Variants in LHFPL3 observed in about 807,000 individuals in gnomAD.
The protein encoded by LHFPL3 is LHFPL tetraspan subfamily member 3 protein.
Under a neutral mutation model 19.3 loss-of-function variants are expected in LHFPL3, and 5 were observed. The observed-to-expected ratio is 0.26, with a 90% confidence interval of 0.14 to 0.54. The LOEUF (loss-of-function observed/expected upper bound fraction) is 0.54, where lower values mean the gene tolerates loss of function less well. LHFPL3 is among the 20% of genes least tolerant of loss of function. The pLI, the probability that LHFPL3 is intolerant of heterozygous loss-of-function variation, is 0.94. For missense variants in LHFPL3, 249 were observed against 307.4 expected (o/e 0.81, Z 1.42); for synonymous variants, 133 against 126.2 (o/e 1.05, Z -0.36).
At chr7:104,465,790 C>T (rs1222765734) in intron 1 of LHFPL3, among the ~76,000 whole-genome samples, 1 of 152,202 alleles carries the variant, frequency 6.6e-6, no homozygotes, top group African/African-American at 2.4e-5. Context: ...TGGGTGGGGA[C>T]ACAGCCAGAC....
In LHFPL3 at chr7:104,880,947, A is replaced by G. The variant is rs569653228; in HGVS notation, c.683-25240A>G. Among the ~76,000 whole-genome samples, 33 of 152,198 alleles carry G rather than the reference A, an allele frequency of 2.2e-4. No individual in the cohort carries two copies. In the South Asian group the frequency reaches 4.1e-3, roughly 19 times the overall value. On this transcript the variant is annotated intron_variant, in intron 2 of 2. Transcript: ENST00000424859. Reference sequence around the variant, plus strand: ...GCACTTTGGGAGGCCAAGGCGGGTGAATCACGAGGTCAGGAGATCAAGACC... The same window carrying G: ...GCACTTTGGGAGGCCAAGGCGGGTGGATCACGAGGTCAGGAGATCAAGACC...
rs191753755 is a variant in LHFPL3 at position 104,525,652 on chromosome 7, G to A, written c.445+196428G>A. 6.8e-4 allele frequency among the ~76,000 whole-genome samples: 103 copies of A among 150,784 alleles called. 1 individual carries two copies. Among genetic ancestry groups the A allele is most frequent in the African/African-American group, 2.4e-3 (98 of 40,832 alleles). ...GATGGAGTCTCACTCTGTTGCCCAGGCTGGAGTGCAGTGGTGTGATCTTGG... is the reference window on the plus strand; with the variant it reads ...GATGGAGTCTCACTCTGTTGCCCAGACTGGAGTGCAGTGGTGTGATCTTGG... On this transcript the variant is annotated intron_variant, in intron 1 of 2. Coordinates refer to ENST00000424859, the MANE Select transcript of LHFPL3 (RefSeq NM_199000.3).
In LHFPL3 at chr7:104,347,624, A is replaced by T. The variant is rs535885335; in HGVS notation, c.445+18400A>T. On this transcript the variant is annotated intron_variant, in intron 1 of 2. Coordinates refer to ENST00000424859, the MANE Select transcript of LHFPL3 (RefSeq NM_199000.3). ...AGTTTGCCTTCTTTTCTAGCTGGGT[A>T]CAATTGCTCATGCCTGTAATCCCTT... Among the ~76,000 whole-genome samples, 26 of 152,270 alleles carry T rather than the reference A, an allele frequency of 1.7e-4. No individual in the cohort carries two copies. The South Asian group carries it at 3.9e-3, about 23-fold the overall frequency.
intron 1 of LHFPL3, among the ~76,000 whole-genome samples, chr7:104,345,905 AT>A (rs1790055791): frequency 2.6e-5 from 4 of 152,220 alleles, no homozygotes; most frequent in South Asian, 4.1e-4. Context: ...TGATGCCCCC[AT>A]GGTTAATGTC....
chr7:104,479,011 A>G (rs185808838), intron 1 of LHFPL3, among the ~76,000 whole-genome samples: 91 of 152,268 alleles, frequency 6.0e-4, no homozygotes, highest in African/African-American at 2.0e-3. Flanking sequence ...ACTCTTTACT[A>G]GCACCACTCC....
At chr7:104,778,586 A>G (rs752327171) in intron 2 of LHFPL3, among the ~76,000 whole-genome samples, 2 of 152,164 alleles carry the variant, frequency 1.3e-5, no homozygotes, top group Non-Finnish European at 2.9e-5. Context: ...TGAGCCCACT[A>G]ACATCCACTG....
intron 1 of LHFPL3, among the ~76,000 whole-genome samples, chr7:104,719,636 C>T (rs1056121679): frequency 6.6e-6 from 1 of 152,070 alleles, no homozygotes; most frequent in African/African-American, 2.4e-5. Context: ...AGTTTTTAAG[C>T]GTCATTTTAT....
chr7:104,903,395 G>A (rs532420293), intron 2 of LHFPL3, among the ~76,000 whole-genome samples: 16 of 150,566 alleles, frequency 1.1e-4, no homozygotes, highest in Admixed American at 4.6e-4. Flanking sequence ...TCCTGACCCC[G>A]TTTTCCCCTG....
intron 1 of LHFPL3, among the ~76,000 whole-genome samples, chr7:104,485,970 C>T (rs1793227588): frequency 1.3e-5 from 2 of 152,176 alleles, no homozygotes; most frequent in Admixed American, 6.5e-5. Flanking sequence ...TTTCTTTAGT[C>T]AGGTAAACGT....
chr7:104,584,424 A>G (rs200328488), intron 1 of LHFPL3, among the ~76,000 whole-genome samples: 2 of 151,848 alleles, frequency 1.3e-5, no homozygotes, highest in Admixed American at 1.3e-4. Context: ...AAACCTGCAC[A>G]TTGTGCACAT....
intron 1 of LHFPL3, among the ~76,000 whole-genome samples, chr7:104,483,747 C>T (rs1584351486): frequency 6.6e-6 from 1 of 152,140 alleles, no homozygotes; most frequent in African/African-American, 2.4e-5. Flanking sequence ...TCCTGAGTAG[C>T]TGGGACTACA....
At chr7:104,649,928 T>C (rs551424803) in intron 1 of LHFPL3, among the ~76,000 whole-genome samples, 3 of 152,300 alleles carry the variant, frequency 2.0e-5, no homozygotes, top group East Asian at 3.9e-4. Flanking sequence ...TCTCATCTCA[T>C]CTAAGATCTA....
chr7:104,660,305 C>T (rs572744249), intron 1 of LHFPL3, among the ~76,000 whole-genome samples: 1 of 152,284 alleles, frequency 6.6e-6, no homozygotes, highest in Admixed American at 6.5e-5. Flanking sequence ...CCAGTCAACT[C>T]TTTTTGTTTA....
At chr7:104,624,821 G>T (rs1562952844) in intron 1 of LHFPL3, among the ~76,000 whole-genome samples, 2 of 152,144 alleles carry the variant, frequency 1.3e-5, no homozygotes, top group African/African-American at 2.4e-5. Context: ...GAAAACATGG[G>T]ATGTGTCTTT....
chr7:104,372,507 C>T (rs992730434), intron 1 of LHFPL3, among the ~76,000 whole-genome samples: 3 of 152,100 alleles, frequency 2.0e-5, no homozygotes, highest in South Asian at 4.2e-4. Context: ...ACTCAGTGTG[C>T]CGTTTGATAC....
intron 1 of LHFPL3, among the ~76,000 whole-genome samples, chr7:104,630,559 T>A (rs1791621937): frequency 6.6e-6 from 1 of 152,156 alleles, no homozygotes; most frequent in Admixed American, 6.6e-5. Flanking sequence ...GGAGTTGGAT[T>A]TAATAACTTA....
chr7:104,669,306 A>T (rs1440452157), intron 1 of LHFPL3: 2 of 1,613,880 alleles, frequency 1.2e-6, no homozygotes, highest in Non-Finnish European at 1.7e-6. Flanking sequence ...AGGAAGGACC[A>T]GGAAGGAAAG....
chr7:104,669,608 C>A, intron 1 of LHFPL3: 1 of 1,595,230 alleles, frequency 6.3e-7, no homozygotes, highest in Non-Finnish European at 8.6e-7. Flanking sequence ...CTCCTAGTTT[C>A]TCTCCACCCT....
intron 1 of LHFPL3, among the ~76,000 whole-genome samples, chr7:104,664,382 A>T (rs1195804078): frequency 6.6e-6 from 1 of 152,212 alleles, no homozygotes; most frequent in Non-Finnish European, 1.5e-5. Flanking sequence ...TTAATTAAAA[A>T]CTTTAAGATG....
Sources: gnomAD v4.1 joint callset for allele counts (sites outside exome capture counted in the v4.1 genomes callset) on GRCh38, gnomAD v4.1.1 for gene constraint, MANE v1.5 for transcripts, NCBI Gene and HGNC (gene_info 2026-07-23, HGNC 2026-07-21) for gene names.